Variants in NCR1 observed in about 807,000 individuals in gnomAD.
The protein encoded by NCR1 is NK cell-activating receptor.
A neutral mutation model predicts 32.5 loss-of-function variants in NCR1; 30 were observed. That is an observed-to-expected ratio of 0.92 (90% CI 0.69 to 1.25). The LOEUF is 1.25. Ranked by LOEUF, NCR1 falls within the 50% of genes most tolerant of loss-of-function variation. The pLI is 0.00. For synonymous variants in NCR1, 169 were observed against 143.4 expected, an observed-to-expected ratio of 1.18 and a Z score of -1.28; for missense variants, 369 against 380.7, an observed-to-expected ratio of 0.97 and a Z score of 0.26.
chr19:54,917,890 C>A (rs775850), downstream of NCR1, among the ~76,000 whole-genome samples: 1 of 152,046 alleles, frequency 6.6e-6, no homozygotes, highest in Non-Finnish European at 1.5e-5. Flanking sequence ...GGCAGGGTTA[C>A]GAGTCCACGG....
the NCR1 span, chr19:54,933,749 T>C: frequency 1.2e-6 from 2 of 1,612,860 alleles, no homozygotes; most frequent in East Asian, 2.2e-5. Flanking sequence ...CCTGCAAAAA[T>C]ATGAAACAAA....
At chr19:54,936,454 C>T in the NCR1 span, 4 of 1,596,926 alleles carry the variant, frequency 2.5e-6, no homozygotes, top group East Asian at 4.5e-5. Flanking sequence ...AGAAGAGATT[C>T]CACTTGGAGT....
chr19:54,902,788 G>C (rs2067323278), upstream of NCR1, among the ~76,000 whole-genome samples: 1 of 152,102 alleles, frequency 6.6e-6, no homozygotes, highest in Non-Finnish European at 1.5e-5. Context: ...AGTTATGACA[G>C]CTGTGTAAGG....
chr19:54,924,881 G>C, the NCR1 span, among the ~76,000 whole-genome samples: 1 of 152,150 alleles, frequency 6.6e-6, no homozygotes, highest in East Asian at 1.9e-4. Flanking sequence ...ATGTTGCAGT[G>C]AGCCAATACC....
chr19:54,934,539 C>T, the NCR1 span: 3 of 1,614,054 alleles, frequency 1.9e-6, no homozygotes, highest in Non-Finnish European at 2.5e-6. The surrounding 1 kb of genome is among the most constrained non-coding windows in gnomAD (Gnocchi z 6.7). Context: ...TGTACAGCAA[C>T]ATGGCACCCT....
At chr19:54,935,978 A>G in the NCR1 span, among the ~76,000 whole-genome samples, 3 of 152,166 alleles carry the variant, frequency 2.0e-5, no homozygotes, top group South Asian at 6.2e-4. Context: ...ACTGCTCTCA[A>G]TCCCAACAAT....
the NCR1 span, among the ~76,000 whole-genome samples, chr19:54,935,154 T>C: frequency 6.6e-6 from 1 of 151,844 alleles, no homozygotes; most frequent in Admixed American, 6.6e-5. Flanking sequence ...ATCCAGCCAC[T>C]TCTCCAAGAG....
the NCR1 span, among the ~76,000 whole-genome samples, chr19:54,900,497 T>G: frequency 6.6e-6 from 1 of 152,030 alleles, no homozygotes; most frequent in Non-Finnish European, 1.5e-5. Flanking sequence ...ATTTCTTTCG[T>G]GGTGGAATGT....
Position 54,909,858 on chromosome 19 carries a change from C to A in NCR1, c.635-160C>A, listed in dbSNP as rs192226185. ...GCTGAGGCAGGAGAATCGCTTGAACCCGGGAGGCGGGGGTTGTAGTGAACC... is the reference window on the plus strand; with the variant it reads ...GCTGAGGCAGGAGAATCGCTTGAACACGGGAGGCGGGGGTTGTAGTGAACC... On this transcript the variant is annotated intron_variant, in intron 4 of 6. Coordinates refer to ENST00000291890, the MANE Select transcript of NCR1 (RefSeq NM_004829.7). 7.4e-3 allele frequency among the ~76,000 whole-genome samples: 1,104 copies of A among 148,248 alleles called. 13 individuals carry two copies. The highest frequency in any genetic ancestry group is 0.011 in the Non-Finnish European group (710 of 67,222).
chr19:54,903,364 A>C (rs916738884), upstream of NCR1, among the ~76,000 whole-genome samples: 3 of 134,442 alleles, frequency 2.2e-5, 1 homozygote, highest in Non-Finnish European at 4.6e-5. Flanking sequence ...ATATACATAC[A>C]TGTATATATA....
downstream of NCR1, among the ~76,000 whole-genome samples, chr19:54,916,474 A>C (rs2068136508): frequency 6.8e-6 from 1 of 147,392 alleles, no homozygotes; most frequent in Non-Finnish European, 1.5e-5. Flanking sequence ...GCGTGCCACC[A>C]CGCCCGGCTA....
In NCR1 at chr19:54,909,438, C is replaced by G; in HGVS notation, c.549C>G (p.Ala183=). Residue 183 remains alanine, a synonymous_variant, in exon 4 of 7, where the codon GCC becomes GCG. Coordinates refer to ENST00000291890, the MANE Select transcript of NCR1 (RefSeq NM_004829.7). ...AEFPLGPVTT[A]HRGTYRCFGS... is the part of the protein sequence containing the mutation. Reference sequence around the variant, plus strand: ...TCCCCCTGGGCCCTGTGACCACAGCCCACAGAGGGACATACCGATGTTTTG... The same window carrying G: ...TCCCCCTGGGCCCTGTGACCACAGCGCACAGAGGGACATACCGATGTTTTG... The G allele has an allele frequency of 6.2e-7, 1 of 1,613,404 alleles. No homozygotes were observed.
chr19:54,920,021 C>A (rs1012668317), downstream of NCR1, among the ~76,000 whole-genome samples: 1 of 152,092 alleles, frequency 6.6e-6, no homozygotes, highest in African/African-American at 2.4e-5. Context: ...TAATTGCTAC[C>A]GGCTAATGAT....
At chr19:54,899,262 G>A in the NCR1 span, among the ~76,000 whole-genome samples, 3 of 152,162 alleles carry the variant, frequency 2.0e-5, no homozygotes, top group Admixed American at 6.5e-5. Context: ...TTGTATTGGG[G>A]TCAAGCAGCA....
chr19:54,907,241 C>T (rs587593691), intron 3 of NCR1, among the ~76,000 whole-genome samples: 1 of 151,212 alleles, frequency 6.6e-6, no homozygotes, highest in East Asian at 1.9e-4. Flanking sequence ...CTGCAACCTC[C>T]ACCTCCTGGG....
intron 5 of NCR1, 143 bp from the exon 6 acceptor site, chr19:54,912,025 C>T: frequency 1.4e-6 from 1 of 716,046 alleles, no homozygotes; most frequent in South Asian, 1.6e-5. Flanking sequence ...TCCACTTTAC[C>T]TGCTGGATGA....
intron 4 of NCR1, 65 bp from the exon 5 acceptor site, chr19:54,909,953 A>G: frequency 7.1e-7 from 1 of 1,402,290 alleles, no homozygotes; most frequent in Non-Finnish European, 9.8e-7. Context: ...AAAAAAAAAA[A>G]AAAGAATGGC....
At chr19:54,923,542 T>C in the NCR1 span, 1 of 649,908 alleles carries the variant, frequency 1.5e-6, no homozygotes, top group Non-Finnish European at 2.7e-6. Flanking sequence ...ATTATCCCTG[T>C]GAGAAAGTAC....
At chr19:54,899,386 GC>G in the NCR1 span, among the ~76,000 whole-genome samples, 1 of 151,998 alleles carries the variant, frequency 6.6e-6, no homozygotes, top group Non-Finnish European at 1.5e-5. Context: ...GTGGAAGGTT[GC>G]CCATACTGAA....
Sources: allele counts gnomAD v4.1 joint callset (sites outside exome capture counted in the v4.1 genomes callset), GRCh38; gene constraint gnomAD v4.1.1; non-coding constraint Gnocchi (gnomAD v3.1); transcripts MANE v1.5; gene names NCBI Gene and HGNC (gene_info 2026-07-23, HGNC 2026-07-21).